CDH18: variants seen among roughly 807,000 people sequenced by gnomAD.
CDH18 encodes the protein cadherin-18.
In CDH18, 31 loss-of-function variants were observed where a neutral mutation model predicts 67.9. That is an observed-to-expected ratio of 0.46 (90% CI 0.34 to 0.62). CDH18 has a LOEUF of 0.62. CDH18 is among the 20% of genes least tolerant of loss of function. The pLI, the probability that CDH18 is intolerant of heterozygous loss-of-function variation, is 0.01. For missense variants in CDH18, 890 were observed against 975.5 expected, an observed-to-expected ratio of 0.91 and a Z score of 1.17; for synonymous variants, 362 against 347.2, an observed-to-expected ratio of 1.04 and a Z score of -0.48.
rs192903514 is a variant in CDH18 at position 19,982,563 on chromosome 5, T to C, written c.-375-1385A>G. Reference sequence around the variant, plus strand: ...AGTTTCTTCATTTTTGTGATATTTTTAATTATTTCCTAATTTATTCCCACA... The same window carrying C: ...AGTTTCTTCATTTTTGTGATATTTTCAATTATTTCCTAATTTATTCCCACA... On this transcript the variant is annotated intron_variant, in intron 1 of 12. Coordinates refer to ENST00000382275, the MANE Select transcript of CDH18 (RefSeq NM_004934.5). 1.4e-4 allele frequency among the ~76,000 whole-genome samples: 22 copies of C among 152,290 alleles called. No individual in the cohort carries two copies. In the East Asian group the frequency reaches 3.7e-3, roughly 25 times the overall value.
chr5:19,914,994 A>G (rs1390144848), intron 2 of CDH18, among the ~76,000 whole-genome samples: 9 of 152,266 alleles, frequency 5.9e-5, no homozygotes, highest in Admixed American at 5.9e-4. Context: ...TAACCTTACT[A>G]AATGTCCTAT....
At chr5:20,340,635 G>C (rs888960575) in intron 1 of CDH18, among the ~76,000 whole-genome samples, 1 of 152,102 alleles carries the variant, frequency 6.6e-6, no homozygotes, top group Non-Finnish European at 1.5e-5. Flanking sequence ...TGGGTCATGG[G>C]CTCAACTCCA....
In CDH18 at chr5:20,305,479, C is replaced by G. The variant is rs1736341236; in HGVS notation, c.-579-49974G>C. 4.7e-6 allele frequency: 6 copies of G among 1,269,650 alleles called. No homozygotes were observed. The South Asian group carries it at 7.2e-5, about 15-fold the overall frequency. The allele number at this position is 1,269,650 out of a possible 1,614,324, so 78.6% of individuals were successfully genotyped here. A position where few individuals can be genotyped will look rare whatever the true frequency, so the allele number is the denominator to read the frequency against. On this transcript the variant is annotated intron_variant, in intron 1 of 14. Transcript: ENST00000507958. The stretch of plus-strand genomic sequence containing the variant: ...CGAACCTCCTCAGCGGCCGCCGCTG[C>G]ACTCGCTGGGTCTTGGGTGCCGCGA...
chr5:20,053,006 AT>A (rs1286561300), intron 2 of CDH18, among the ~76,000 whole-genome samples: 1 of 133,422 alleles, frequency 7.5e-6, no homozygotes, highest in East Asian at 2.2e-4. Flanking sequence ...ACTCTCTACA[AT>A]TTTCTTTTTC....
At chr5:19,665,815 A>T (rs1308291666) in intron 5 of CDH18, among the ~76,000 whole-genome samples, 1 of 152,102 alleles carries the variant, frequency 6.6e-6, no homozygotes, top group Admixed American at 6.6e-5. Context: ...TGAAAGTTTA[A>T]GAACATTTAA....
chr5:20,057,360 G>A (rs768078287), intron 2 of CDH18, among the ~76,000 whole-genome samples: 50 of 151,916 alleles, frequency 3.3e-4, no homozygotes, highest in African/African-American at 7.3e-5. Flanking sequence ...ATTTTCCATC[G>A]TGAATAATCT....
At chr5:19,487,143 G>C (rs1460440237) in intron 11 of CDH18, among the ~76,000 whole-genome samples, 1 of 152,146 alleles carries the variant, frequency 6.6e-6, no homozygotes, top group African/African-American at 2.4e-5. Context: ...CTAGACTTTG[G>C]AAAGTATCAC....
chr5:19,924,382 A>G (rs1307901131), intron 2 of CDH18, among the ~76,000 whole-genome samples: 4 of 152,120 alleles, frequency 2.6e-5, no homozygotes, highest in African/African-American at 9.7e-5. Flanking sequence ...CACGCCTATA[A>G]TCCCAGCACT....
intron 2 of CDH18, among the ~76,000 whole-genome samples, chr5:20,047,624 A>C (rs772922225): frequency 1.3e-5 from 2 of 151,818 alleles, no homozygotes; most frequent in African/African-American, 2.4e-5. Flanking sequence ...CTATTGTTTA[A>C]GTTTGAAAAG....
intron 2 of CDH18, among the ~76,000 whole-genome samples, chr5:20,156,506 A>C (rs1751543291): frequency 6.6e-6 from 1 of 152,122 alleles, no homozygotes; most frequent in Non-Finnish European, 1.5e-5. Flanking sequence ...TTCTCACTTA[A>C]AGTGGGAGCT....
chr5:19,906,057 A>C (rs1790497663), intron 2 of CDH18, among the ~76,000 whole-genome samples: 1 of 152,056 alleles, frequency 6.6e-6, no homozygotes, highest in African/African-American at 2.4e-5. Flanking sequence ...TCAATTGAAT[A>C]ATCTGCAGAG....
intron 1 of CDH18, among the ~76,000 whole-genome samples, chr5:20,531,707 A>G (rs1209128288): frequency 6.6e-6 from 1 of 151,966 alleles, no homozygotes; most frequent in East Asian, 1.9e-4. Flanking sequence ...ATGAACACAG[A>G]AAGGGGAACA....
chr5:19,843,227 G>GAC (rs1782543821), intron 2 of CDH18, among the ~76,000 whole-genome samples: 1 of 152,160 alleles, frequency 6.6e-6, no homozygotes, highest in African/African-American at 2.4e-5. Flanking sequence ...GAAAAAAATG[G>GAC]TTTCCTGGGC....
At chr5:20,176,622 C>T (rs1306613513) in intron 2 of CDH18, among the ~76,000 whole-genome samples, 1 of 152,056 alleles carries the variant, frequency 6.6e-6, no homozygotes, top group Admixed American at 6.6e-5. Context: ...GCACAAAGTC[C>T]TTACTTTTAA....
In CDH18 at chr5:19,748,124, A is replaced by AAAAAAAAAAAAAAAC. The variant is rs1770340930; in HGVS notation, c.229-889_229-888insGTTTTTTTTTTTTTT. ...CGAGACTCCATCTCAAAAAAAAAAA[A>AAAAAAAAAAAAAAAC]AAAAAAAAAGAGTACTTTTTTAGGG... On this transcript the variant is annotated intron_variant, in intron 3 of 12. Coordinates refer to ENST00000382275, the MANE Select transcript of CDH18 (RefSeq NM_004934.5). Among the ~76,000 whole-genome samples, 2 of 143,970 alleles carry AAAAAAAAAAAAAAAC rather than the reference A, an allele frequency of 1.4e-5. 1 individual carries two copies. The highest frequency in any genetic ancestry group is 3.0e-5 in the Non-Finnish European group (2 of 65,600). The allele number at this position is 143,970 out of a possible 152,430, so 94.4% of individuals were successfully genotyped here.
intron 5 of CDH18, among the ~76,000 whole-genome samples, chr5:19,687,963 A>C (rs1477610746): frequency 6.6e-6 from 1 of 152,134 alleles, no homozygotes; most frequent in African/African-American, 2.4e-5. Context: ...GTGCAGTACC[A>C]AAACATACTG....
chr5:20,299,034 T>C (rs1055571033), intron 1 of CDH18, among the ~76,000 whole-genome samples: 3 of 152,112 alleles, frequency 2.0e-5, no homozygotes, highest in African/African-American at 7.2e-5. Context: ...AAAAACGCAA[T>C]GTAAAGAATT....
intron 2 of CDH18, among the ~76,000 whole-genome samples, chr5:20,110,374 G>A (rs2126333455): frequency 6.6e-6 from 1 of 152,258 alleles, no homozygotes; most frequent in South Asian, 2.1e-4. Context: ...TTACATGTCA[G>A]CCACATTTTT....
chr5:20,263,189 T>G (rs1446541032), intron 1 of CDH18, among the ~76,000 whole-genome samples: 1 of 152,166 alleles, frequency 6.6e-6, no homozygotes, highest in Non-Finnish European at 1.5e-5. Flanking sequence ...GCTCTAATAC[T>G]GTGTTATGAA....
Sources: gnomAD v4.1 joint callset for allele counts (sites outside exome capture counted in the v4.1 genomes callset) on GRCh38, gnomAD v4.1.1 for gene constraint, MANE v1.5 for transcripts, NCBI Gene and HGNC (gene_info 2026-07-23, HGNC 2026-07-21) for gene names.